The following EGFLAM variants were observed in gnomAD, a reference collection of about 807,000 sequenced individuals.
EGFLAM encodes the protein EGF like, fibronectin type III and laminin G domains.
Under a neutral mutation model 113.1 loss-of-function variants are expected in EGFLAM, and 79 were observed. The ratio of observed to expected loss-of-function variants is 0.70; its 90% confidence interval spans 0.58 to 0.84. EGFLAM has a LOEUF of 0.84. Ranked by LOEUF, EGFLAM falls within the 40% of genes least tolerant of loss-of-function variation. The pLI, the probability that EGFLAM is intolerant of heterozygous loss-of-function variation, is 0.00. For synonymous variants in EGFLAM, 504 were observed against 487.6 expected (o/e 1.03, Z -0.44); for missense variants, 1,265 against 1,291.6 (o/e 0.98, Z 0.32).
chr5:38,409,867 G>C (rs1211851236), intron 10 of EGFLAM, among the ~76,000 whole-genome samples: 38 of 152,132 alleles, frequency 2.5e-4, no homozygotes, highest in Admixed American at 2.2e-3. Context: ...GTCTTCCTGG[G>C]GGGCAGAGTT....
chr5:38,410,566 TCCCCA>T (rs1439756418), intron 10 of EGFLAM, among the ~76,000 whole-genome samples: 5 of 152,094 alleles, frequency 3.3e-5, no homozygotes, highest in African/African-American at 1.2e-4. Flanking sequence ...TACGACTCCT[TCCCCA>T]CCGGCAGTCT....
At chr5:38,392,924 T>C (rs1740855042) in intron 6 of EGFLAM, among the ~76,000 whole-genome samples, 1 of 152,044 alleles carries the variant, frequency 6.6e-6, no homozygotes, top group Middle Eastern at 3.2e-3. Context: ...AATTTTTGTA[T>C]TTTAGTAGAG....
At position 38,374,299 on chromosome 5, in the gene EGFLAM, C is replaced by G. The variant is rs73075428; in HGVS notation, c.712+3837C>G. 9.0e-3 allele frequency among the ~76,000 whole-genome samples: 1,367 copies of G among 152,276 alleles called. 29 individuals carry two copies. Among genetic ancestry groups the G allele is most frequent in the African/African-American group, 0.032 (1,326 of 41,544 alleles). On this transcript the variant is annotated intron_variant, in intron 6 of 21. Transcript: ENST00000322350. ...AATCGTTCACACAAAGCCAGCTATG[C>G]AGGAGATCAGATTTTATTACTGCTC...
At chr5:38,271,116 A>G (rs1232051961) in intron 1 of EGFLAM, among the ~76,000 whole-genome samples, 1 of 151,276 alleles carries the variant, frequency 6.6e-6, no homozygotes, top group East Asian at 1.9e-4. Flanking sequence ...AGTTTAATAA[A>G]AACACCCAAC....
In EGFLAM at chr5:38,315,066, T is replaced by C. The variant is rs1738555461; in HGVS notation, c.98-22454T>C. Among the ~76,000 whole-genome samples the C allele has an allele frequency of 1.3e-5, 2 of 152,212 alleles. 1 individual carries two copies. Among genetic ancestry groups the C allele is most frequent in the South Asian group, 4.1e-4 (2 of 4,822 alleles). Reference sequence around the variant, plus strand: ...GCTAGTCAAAATACTTAACAGTTGGTATAACATGAGCATTGACTAAAATCA... The same window carrying C: ...GCTAGTCAAAATACTTAACAGTTGGCATAACATGAGCATTGACTAAAATCA... On this transcript the variant is annotated intron_variant, in intron 1 of 21. Transcript: ENST00000322350.
At position 38,388,931 on chromosome 5, in the gene EGFLAM, AAC is replaced by A. The variant is rs1491499229; in HGVS notation, c.713-17193_713-17192del. Among the ~76,000 whole-genome samples the A allele has an allele frequency of 8.4e-3, 1,093 of 130,872 alleles. 20 individuals are homozygous for A. The highest frequency in any genetic ancestry group is 0.036 in the African/African-American group (1,043 of 28,576). The allele number at this position is 130,872 out of a possible 152,430, so 85.9% of individuals were successfully genotyped here. On this transcript the variant is annotated intron_variant, in intron 6 of 21. Transcript: ENST00000322350. ...CCCTGTCTCAAGAAAAAAAAAAAAA[AAC>A]AAAAAAAAATGCAAATGAGTTTTTC...
chr5:38,429,890 A>G (rs892100440), intron 14 of EGFLAM: 1 of 159,102 alleles, frequency 6.3e-6, no homozygotes, highest in Non-Finnish European at 1.4e-5. Context: ...AAAACAAAGT[A>G]TCTAAAACTG....
At position 38,456,131 on chromosome 5, in the gene EGFLAM, T is replaced by C. The variant is rs142352109; in HGVS notation, c.2688-2180T>C. Among the ~76,000 whole-genome samples, 85 of 152,280 alleles carry C rather than the reference T, an allele frequency of 5.6e-4. 2 individuals carry two copies. The East Asian group carries it at 7.9e-3, about 14-fold the overall frequency. ...CAAGCTGCACTAAGTGCTGCCTCTG[T>C]TGGGAGTGGTGGGATTTTTCATTTG... On this transcript the variant is annotated intron_variant, in intron 19 of 21. Transcript: ENST00000322350.
intron 16 of EGFLAM, among the ~76,000 whole-genome samples, chr5:38,437,618 G>A (rs1742390469): frequency 6.6e-6 from 1 of 152,150 alleles, no homozygotes; most frequent in Non-Finnish European, 1.5e-5. Flanking sequence ...ATGGGTCTGG[G>A]CGGGTCTGGG....
At position 38,350,589 on chromosome 5, in the gene EGFLAM, C is replaced by G; in HGVS notation, c.380C>G (p.Ser127Cys). ...YSQAGKGRLS[S>C]PRHVTTLSQD... Reference sequence around the variant, plus strand: ...CAGGCTGGCAAAGGGCGGCTGAGCTCTCCTCGGCATGTCACCACTTTGTCC... The same window carrying G: ...CAGGCTGGCAAAGGGCGGCTGAGCTGTCCTCGGCATGTCACCACTTTGTCC... The change falls in exon 4 of 22, where the codon TCT becomes TGT. Residue 127 changes from serine (S) to cysteine (C), a missense_variant. By Grantham distance (112) the Ser-to-Cys change is moderately radical. Coordinates refer to ENST00000322350, the MANE Select transcript of EGFLAM (RefSeq NM_152403.4). 6.2e-7 allele frequency: 1 copy of G among 1,614,090 alleles called. No individual in the cohort carries two copies. Among genetic ancestry groups the G allele is most frequent in the Non-Finnish European group, 8.5e-7 (1 of 1,179,980 alleles).
At chr5:38,353,233 AAG>A (rs1739677097) in intron 5 of EGFLAM, among the ~76,000 whole-genome samples, 1 of 152,250 alleles carries the variant, frequency 6.6e-6, no homozygotes, top group Non-Finnish European at 1.5e-5. Context: ...ATTTTAAAGA[AAG>A]AGAGAAAGGA....
At chr5:38,305,452 G>C (rs1368128981) in intron 1 of EGFLAM, 3 of 454,572 alleles carry the variant, frequency 6.6e-6, no homozygotes, top group Non-Finnish European at 1.3e-5. Flanking sequence ...GAGGATGACT[G>C]TCACGAAAAC....
intron 1 of EGFLAM, among the ~76,000 whole-genome samples, chr5:38,298,756 A>C (rs942719805): frequency 7.2e-5 from 11 of 151,894 alleles, no homozygotes; most frequent in Non-Finnish European, 1.5e-5. Flanking sequence ...GCTGGAGTGC[A>C]GTGGTGTAAT....
At chr5:38,462,412 C>T (rs900249400) in intron 20 of EGFLAM, among the ~76,000 whole-genome samples, 1 of 152,164 alleles carries the variant, frequency 6.6e-6, no homozygotes, top group Admixed American at 6.5e-5. Context: ...TTGCTTGGGG[C>T]TTCACCTTTC....
intron 17 of EGFLAM, among the ~76,000 whole-genome samples, chr5:38,446,845 C>T (rs544517546): frequency 1.3e-5 from 2 of 151,340 alleles, no homozygotes; most frequent in African/African-American, 4.8e-5. Context: ...TTGCTGTTTC[C>T]GCTCTTTTTT....
At chr5:38,374,269 G>T (rs879786218) in intron 6 of EGFLAM, among the ~76,000 whole-genome samples, 4 of 152,138 alleles carry the variant, frequency 2.6e-5, no homozygotes, top group Admixed American at 1.3e-4. Context: ...TTGCAATGGA[G>T]AAAGAATCGT....
rs76880630 is a variant in EGFLAM, at chr5:38,300,081, G to T, written c.98-37439G>T. ...GAATGCTAGGCAAAGAAAGAGAAGG[G>T]TTGCAGTTTTAAATGGAGTGGTCAG... On this transcript the variant is annotated intron_variant, in intron 1 of 21. Transcript: ENST00000322350. Among the ~76,000 whole-genome samples the T allele has an allele frequency of 7.5e-3, 1,145 of 152,346 alleles. 9 individuals carry two copies. The highest frequency in any genetic ancestry group is 0.01 in the Non-Finnish European group (701 of 68,032).
At chr5:38,415,366 A>G (rs1398940626) in intron 11 of EGFLAM, among the ~76,000 whole-genome samples, 1 of 148,542 alleles carries the variant, frequency 6.7e-6, no homozygotes, top group African/African-American at 2.5e-5. Context: ...CCATCTCAAA[A>G]AAAAAAAAAG....
At chr5:38,345,106 C>T (rs568037009) in intron 3 of EGFLAM, among the ~76,000 whole-genome samples, 14 of 152,230 alleles carry the variant, frequency 9.2e-5, no homozygotes, top group Non-Finnish European at 1.0e-4. Flanking sequence ...GCTGTGTCTA[C>T]GAGTCAGATA....
Sources: gnomAD v4.1 joint callset for allele counts (sites outside exome capture counted in the v4.1 genomes callset) on GRCh38, gnomAD v4.1.1 for gene constraint, MANE v1.5 for transcripts, NCBI Gene and HGNC (gene_info 2026-07-23, HGNC 2026-07-21) for gene names.